MTA3: variants seen among roughly 807,000 people sequenced by gnomAD.
The protein encoded by MTA3 is metastasis-associated protein MTA3.
Under a neutral mutation model 83.5 loss-of-function variants are expected in MTA3, and 34 were observed. That is an observed-to-expected ratio of 0.41 (90% CI 0.31 to 0.54). MTA3 has a LOEUF of 0.54. Ranked by LOEUF, MTA3 falls within the 20% of genes least tolerant of loss-of-function variation. The probability of loss-of-function intolerance (pLI) is 0.33; values close to 1 mark genes in which losing one functional copy is unlikely to be tolerated. For missense variants in MTA3, 761 were observed against 726.4 expected, an observed-to-expected ratio of 1.05 and a Z score of -0.55; for synonymous variants, 303 against 252.7, an observed-to-expected ratio of 1.20 and a Z score of -1.89.
chr2:42,737,280 G>A (rs918825472), intron 16 of MTA3, among the ~76,000 whole-genome samples: 1 of 152,188 alleles, frequency 6.6e-6, no homozygotes, highest in African/African-American at 2.4e-5. Context: ...CACAGTGGAA[G>A]GGCTTGCCAG....
intron 2 of MTA3, among the ~76,000 whole-genome samples, chr2:42,547,874 T>C: frequency 6.6e-6 from 1 of 151,714 alleles, no homozygotes; most frequent in African/African-American, 2.4e-5. Flanking sequence ...ACTTAGCTAT[T>C]GTTACAGGTG....
At chr2:42,708,670 C>G (rs978769010) in intron 13 of MTA3, among the ~76,000 whole-genome samples, 1 of 152,170 alleles carries the variant, frequency 6.6e-6, no homozygotes, top group East Asian at 1.9e-4. Context: ...GTACAGTATT[C>G]TCCACAGTTC....
intron 2 of MTA3, among the ~76,000 whole-genome samples, chr2:42,501,244 T>C (rs1674382517): frequency 6.6e-6 from 1 of 152,160 alleles, no homozygotes; most frequent in Non-Finnish European, 1.5e-5. Context: ...TAAGTGTTGT[T>C]TTATAAGATG....
upstream of MTA3, among the ~76,000 whole-genome samples, chr2:42,566,609 A>T (rs967630665): frequency 1.3e-5 from 2 of 152,088 alleles, no homozygotes; most frequent in African/African-American, 4.8e-5. Context: ...CATAGGGAGG[A>T]GTTTTCTCGG....
chr2:42,616,185 G>A (rs146784579), intron 4 of MTA3, among the ~76,000 whole-genome samples: 1,673 of 152,102 alleles, frequency 0.011, 11 homozygotes, highest in Middle Eastern at 0.024. Flanking sequence ...TCAGCCTCCC[G>A]AATAGCTGGG....
At chr2:42,576,523 G>A (rs1164552614) in intron 2 of MTA3, among the ~76,000 whole-genome samples, 3 of 152,182 alleles carry the variant, frequency 2.0e-5, no homozygotes, top group African/African-American at 4.8e-5. Context: ...CCAGCTGCTC[G>A]AGAGGCTGAG....
At chr2:42,589,446 A>C (rs2103926929) in intron 3 of MTA3, among the ~76,000 whole-genome samples, 1 of 152,344 alleles carries the variant, frequency 6.6e-6, no homozygotes, top group Non-Finnish European at 1.5e-5. Flanking sequence ...TTCCCTGACA[A>C]ACCAGGCAGC....
At chr2:42,505,501 C>T (rs1005962569) in intron 2 of MTA3, among the ~76,000 whole-genome samples, 1 of 152,108 alleles carries the variant, frequency 6.6e-6, no homozygotes, top group Non-Finnish European at 1.5e-5. Context: ...GCTGTCTTGC[C>T]TCCCATGCTG....
At chr2:42,711,413 T>TA (rs1666598767) in intron 14 of MTA3, among the ~76,000 whole-genome samples, 1 of 152,204 alleles carries the variant, frequency 6.6e-6, no homozygotes. Flanking sequence ...AGCATATAGA[T>TA]TATAGTAATC....
At chr2:42,623,107 G>A (rs1685739752) in intron 4 of MTA3, among the ~76,000 whole-genome samples, 1 of 152,196 alleles carries the variant, frequency 6.6e-6, no homozygotes, top group African/African-American at 2.4e-5. Context: ...TGGTGGGCGT[G>A]TCTTGCCAGA....
intron 2 of MTA3, among the ~76,000 whole-genome samples, chr2:42,547,049 T>A (rs1346307892): frequency 1.3e-5 from 2 of 152,144 alleles, no homozygotes; most frequent in African/African-American, 4.8e-5. Flanking sequence ...CCCACTACTC[T>A]CTGATGACTA....
At chr2:42,528,520 G>A (rs564484804) in intron 2 of MTA3, among the ~76,000 whole-genome samples, 83 of 152,238 alleles carry the variant, frequency 5.5e-4, no homozygotes, top group African/African-American at 1.7e-3. Flanking sequence ...GCGCCTGGAC[G>A]GTCTCATAAT....
chr2:42,629,800 G>C (rs1919892), intron 4 of MTA3, among the ~76,000 whole-genome samples: 2,174 of 151,834 alleles, frequency 0.014, 61 homozygotes, highest in African/African-American at 0.05. Flanking sequence ...TTTTTTTGAG[G>C]TGTAGTCTTG....
intron 4 of MTA3, among the ~76,000 whole-genome samples, chr2:42,628,421 A>G (rs535144997): frequency 4.7e-4 from 72 of 151,916 alleles, no homozygotes; most frequent in African/African-American, 1.6e-3. Flanking sequence ...TTTAGTAGAG[A>G]TGGGGTTTTG....
intron 2 of MTA3, among the ~76,000 whole-genome samples, chr2:42,521,083 A>G (rs889433547): frequency 3.3e-5 from 5 of 152,138 alleles, no homozygotes; most frequent in African/African-American, 2.4e-5. Flanking sequence ...TGGGGATTGG[A>G]CCTAGTGGCT....
chr2:42,595,507 T>C (rs922389382), intron 3 of MTA3, among the ~76,000 whole-genome samples: 4 of 152,144 alleles, frequency 2.6e-5, no homozygotes, highest in African/African-American at 9.7e-5. Context: ...AATTAATTTG[T>C]AGGGGGAAAA....
intron 2 of MTA3, among the ~76,000 whole-genome samples, chr2:42,528,220 C>T (rs1020397049): frequency 1.6e-4 from 21 of 127,886 alleles, no homozygotes; most frequent in African/African-American, 5.4e-4. Context: ...CCACCGTGCC[C>T]GGCCCCCTTT....
chr2:42,610,225 C>T (rs186696107), intron 4 of MTA3, among the ~76,000 whole-genome samples: 1 of 152,182 alleles, frequency 6.6e-6, no homozygotes, highest in Non-Finnish European at 1.5e-5. Context: ...GCTGGTCTTC[C>T]AGGTTCTAAG....
At position 42,704,237 on chromosome 2, in the gene MTA3, C is replaced by T; in HGVS notation, c.1069C>T (p.Pro357Ser). 1 of 1,613,884 alleles carries T rather than the reference C, an allele frequency of 6.2e-7. No homozygotes were observed. The highest frequency in any genetic ancestry group is 8.5e-7 in the Non-Finnish European group (1 of 1,179,814). Reference sequence around the variant, plus strand: ...CCAAATATCCACTAGTAATGGGAAGCCTGGTGCTGTGAATGGAGCTGTGGG... The same window carrying T: ...CCAAATATCCACTAGTAATGGGAAGTCTGGTGCTGTGAATGGAGCTGTGGG... Reference protein sequence around the residue: ...PNQISTSNGKPGAVNGAVGTT... With the variant: ...PNQISTSNGKSGAVNGAVGTT... Residue 357 changes from proline (P) to serine (S), a missense_variant, in exon 12 of 17, where the codon CCT becomes TCT. Transcript: ENST00000405094.
Sources: allele counts gnomAD v4.1 joint callset (sites outside exome capture counted in the v4.1 genomes callset), GRCh38; gene constraint gnomAD v4.1.1; transcripts MANE v1.5; gene names NCBI Gene and HGNC (gene_info 2026-07-23, HGNC 2026-07-21).